Variants in BIRC6 observed in about 807,000 individuals in gnomAD.
BIRC6 encodes the protein baculoviral IAP repeat containing 6.
In BIRC6, 98 loss-of-function variants were observed where a neutral mutation model predicts 503.3. The observed-to-expected ratio is 0.19, with a 90% CI of 0.17 to 0.23. The LOEUF (loss-of-function observed/expected upper bound fraction) is 0.23, where lower values mean the gene tolerates loss of function less well. Among genes scored for constraint, BIRC6 ranks in the 10% least tolerant of loss-of-function variants. BIRC6 has a pLI of 1.00. For missense variants in BIRC6, 5,360 were observed against 5,806.0 expected (o/e 0.92, Z 2.50); for synonymous variants, 2,240 against 2,078.7 (o/e 1.08, Z -2.11).
At chr2:32,390,444 A>G (rs2039078461) in intron 4 of BIRC6, among the ~76,000 whole-genome samples, 1 of 152,168 alleles carries the variant, frequency 6.6e-6, no homozygotes, top group African/African-American at 2.4e-5. Flanking sequence ...TGCTGGGATT[A>G]CAGGCGTGAG....
At chr2:32,553,126 G>T (rs184065805) in intron 65 of BIRC6, among the ~76,000 whole-genome samples, 1 of 137,092 alleles carries the variant, frequency 7.3e-6, no homozygotes, top group Admixed American at 7.8e-5. Context: ...GAACCCAGGA[G>T]GGGGAGGTTG....
intron 1 of BIRC6, among the ~76,000 whole-genome samples, chr2:32,371,626 G>A (rs901613001): frequency 5.9e-5 from 9 of 152,094 alleles, no homozygotes; most frequent in Admixed American, 2.6e-4. Context: ...CAGGCAATCC[G>A]CCCGCCTCGG....
intron 10 of BIRC6, among the ~76,000 whole-genome samples, chr2:32,422,075 CTA>C (rs983548475): frequency 1.7e-4 from 26 of 152,170 alleles, no homozygotes; most frequent in African/African-American, 6.0e-4. Flanking sequence ...TCCTCTGTCT[CTA>C]TTTTGTGTCA....
At chr2:32,571,269 G>A (rs987455680) in intron 65 of BIRC6, among the ~76,000 whole-genome samples, 2 of 150,956 alleles carry the variant, frequency 1.3e-5, no homozygotes, top group Non-Finnish European at 2.9e-5. Context: ...CATAAAATGA[G>A]TTAGAGAGAA....
At chr2:32,575,109 A>G in intron 65 of BIRC6, 47 bp from the exon 66 acceptor site, 5 of 1,588,356 alleles carry the variant, frequency 3.1e-6, no homozygotes, top group Non-Finnish European at 4.3e-6. Flanking sequence ...ACCTACTTTT[A>G]TATTGTACAT....
chr2:32,591,999 G>C (rs536615029), intron 66 of BIRC6, among the ~76,000 whole-genome samples: 1 of 152,156 alleles, frequency 6.6e-6, no homozygotes, highest in African/African-American at 2.4e-5. Flanking sequence ...TCTTTATTAA[G>C]AAGTGACTCA....
chr2:32,469,896 GTGTT>G (rs1037156451), intron 30 of BIRC6, among the ~76,000 whole-genome samples: 2 of 152,100 alleles, frequency 1.3e-5, no homozygotes, highest in Non-Finnish European at 2.9e-5. Flanking sequence ...TATGCTAAAT[GTGTT>G]TGTTTGTGGC....
chr2:32,503,324 G>T, intron 49 of BIRC6, 88 bp downstream of exon 49: 1 of 1,057,988 alleles, frequency 9.5e-7, no homozygotes, highest in Non-Finnish European at 1.4e-6. Context: ...GTCAGTTGAT[G>T]ATGTTATATA....
intron 66 of BIRC6, 85 bp downstream of exon 66, chr2:32,575,451 G>T (rs2060197148): frequency 7.6e-7 from 1 of 1,313,464 alleles, no homozygotes. Flanking sequence ...GTTTTTCAGT[G>T]ATATGTGCTT....
At chr2:32,386,013 C>G (rs375614700) in intron 3 of BIRC6, among the ~76,000 whole-genome samples, 1 of 152,156 alleles carries the variant, frequency 6.6e-6, no homozygotes, top group African/African-American at 2.4e-5. Context: ...CTGGTTTGCA[C>G]CTTACTCAGG....
At chr2:32,510,922 G>C (rs1008570054) in intron 53 of BIRC6, among the ~76,000 whole-genome samples, 3 of 152,108 alleles carry the variant, frequency 2.0e-5, no homozygotes, top group African/African-American at 4.8e-5. Flanking sequence ...AGTTGGCTAC[G>C]TGTGAAAGGA....
chr2:32,434,686 A>T (rs780681111), intron 13 of BIRC6, among the ~76,000 whole-genome samples: 1 of 151,930 alleles, frequency 6.6e-6, no homozygotes, highest in Non-Finnish European at 1.5e-5. Context: ...TGTCTACAAA[A>T]TTTTTTTAAA....
In BIRC6 at chr2:32,501,931, T is replaced by C. The variant is rs200974328; in HGVS notation, c.9207+43T>C. The C allele has an allele frequency of 1.7e-4, 257 of 1,523,044 alleles. 1 individual carries two copies. The African/African-American group carries it at 3.1e-3, about 18-fold the overall frequency. The allele number at this position is 1,523,044 out of a possible 1,614,324, so 94.3% of individuals were successfully genotyped here. On this transcript the variant is annotated intron_variant, in intron 47 of 73. Transcript: ENST00000421745. The stretch of plus-strand genomic sequence containing the variant: ...ACAGTTGCAGTGATTCAAATAAATT[T>C]ATTGCGATGTAAGTGGAAAATTACA...
At chr2:32,410,469 G>C (rs1345645803) in intron 9 of BIRC6, among the ~76,000 whole-genome samples, 1 of 152,132 alleles carries the variant, frequency 6.6e-6, no homozygotes, top group Non-Finnish European at 1.5e-5. Flanking sequence ...ATTAAATCAT[G>C]TTTATACTGA....
intron 1 of BIRC6, 71 bp from the exon 2 acceptor site, chr2:32,377,517 A>G (rs886734930): frequency 2.4e-6 from 3 of 1,271,410 alleles, no homozygotes; most frequent in South Asian, 3.2e-5. Context: ...TTTAGTCACT[A>G]TGTAAACATT....
chr2:32,370,613 T>G (rs1393877208), intron 1 of BIRC6, among the ~76,000 whole-genome samples: 1 of 152,212 alleles, frequency 6.6e-6, no homozygotes, highest in African/African-American at 2.4e-5. Context: ...ACATTTTTTC[T>G]CTTATTAAAT....
At chr2:32,465,243 A>T (rs1572420798) in intron 26 of BIRC6, 79 bp downstream of exon 26, 14 of 460,710 alleles carry the variant, frequency 3.0e-5, no homozygotes, top group African/African-American at 3.4e-5. Flanking sequence ...ATTATTCTTC[A>T]GTTCGATTTT....
intron 1 of BIRC6, among the ~76,000 whole-genome samples, chr2:32,374,623 C>A (rs2149322335): frequency 6.6e-6 from 1 of 152,086 alleles, no homozygotes; most frequent in East Asian, 1.9e-4. Flanking sequence ...CAGGCGCCCG[C>A]CACCACGCCC....
Position 32,357,228 on chromosome 2 carries a change from C to T in BIRC6, c.67C>T (p.Leu23=), listed in dbSNP as rs1266741873. 1.7e-5 allele frequency: 26 copies of T among 1,530,808 alleles called. No homozygotes were observed. Among genetic ancestry groups the T allele is most frequent in the Middle Eastern group, 1.7e-4 (1 of 5,732 alleles). The allele number at this position is 1,530,808 out of a possible 1,614,324, so 94.8% of individuals were successfully genotyped here. The change falls in exon 1 of 74, where the codon CTG becomes TTG. Residue 23 remains leucine (L), a synonymous_variant. Coordinates refer to ENST00000421745, the MANE Select transcript of BIRC6 (RefSeq NM_016252.4). This position sits in a 1 kb window ranked among gnomAD's most constrained non-coding sequence, Gnocchi z 4.9. ...VTEPLPSVIV[L]SAGRKMAAAA... ...TGAGCCGCTTCCCAGTGTGATTGTGCTGAGCGCAGGCCGGAAGATGGCGGC... is the reference window on the plus strand; with the variant it reads ...TGAGCCGCTTCCCAGTGTGATTGTGTTGAGCGCAGGCCGGAAGATGGCGGC...
Sources: gnomAD v4.1 joint callset for allele counts (sites outside exome capture counted in the v4.1 genomes callset) on GRCh38, gnomAD v4.1.1 for gene constraint, Gnocchi (gnomAD v3.1) non-coding constraint, MANE v1.5 for transcripts, NCBI Gene and HGNC (gene_info 2026-07-23, HGNC 2026-07-21) for gene names.